DSCAM: variants seen among roughly 807,000 people sequenced by gnomAD.
DSCAM encodes DS cell adhesion molecule.
In DSCAM, 47 loss-of-function variants were observed where a neutral mutation model predicts 217.7. The observed-to-expected ratio is 0.22, with a 90% confidence interval of 0.17 to 0.28. DSCAM has a LOEUF of 0.28. Among genes scored for constraint, DSCAM ranks in the 10% least tolerant of loss-of-function variants. The probability of loss-of-function intolerance (pLI) is 1.00; values close to 1 mark genes in which losing one functional copy is unlikely to be tolerated. For synonymous variants in DSCAM, 1,056 were observed against 1,015.3 expected (o/e 1.04, Z -0.76); for missense variants, 2,080 against 2,618.3 (o/e 0.79, Z 4.49).
rs917036340 is a variant in DSCAM at position 40,673,675 on chromosome 21, T to C, written c.508+19135A>G. ...GGGGGTGGATTTCCCATGAATAGTTTAGCACTATCCACAATATTTTTCAGA... is the reference window on the plus strand; with the variant it reads ...GGGGGTGGATTTCCCATGAATAGTTCAGCACTATCCACAATATTTTTCAGA... On this transcript the variant is annotated intron_variant, in intron 3 of 32. Coordinates refer to ENST00000400454, the MANE Select transcript of DSCAM (RefSeq NM_001389.5). Among the ~76,000 whole-genome samples, 8 of 152,278 alleles carry C rather than the reference T, an allele frequency of 5.3e-5. No homozygotes were observed. The East Asian group carries it at 1.4e-3, about 26-fold the overall frequency.
At chr21:40,502,399 T>G (rs2146038330) in intron 3 of DSCAM, among the ~76,000 whole-genome samples, 1 of 152,234 alleles carries the variant, frequency 6.6e-6, no homozygotes, top group South Asian at 2.1e-4. Context: ...CGCCACAAAC[T>G]TGATGACATA....
intron 3 of DSCAM, among the ~76,000 whole-genome samples, chr21:40,410,871 T>A (rs2075316704): frequency 6.6e-6 from 1 of 151,738 alleles, no homozygotes; most frequent in African/African-American, 2.4e-5. Context: ...GGAGCCTTTC[T>A]GGCAGAAAGA....
chr21:40,605,791 CTTT>C (rs755767800), intron 3 of DSCAM, among the ~76,000 whole-genome samples: 108 of 61,986 alleles, frequency 1.7e-3, no homozygotes, highest in South Asian at 5.3e-3. Flanking sequence ...AATGCACATT[CTTT>C]TTTTTTTTTT....
chr21:40,297,956 G>A (rs936216888), intron 9 of DSCAM, among the ~76,000 whole-genome samples: 1 of 152,086 alleles, frequency 6.6e-6, no homozygotes, highest in African/African-American at 2.4e-5. Flanking sequence ...GATGATTATG[G>A]AACTCATTTT....
rs562430348 is a variant in DSCAM, at chr21:40,261,804, A to G, written c.2356+14293T>C. On this transcript the variant is annotated intron_variant, in intron 11 of 32. Coordinates refer to ENST00000400454, the MANE Select transcript of DSCAM (RefSeq NM_001389.5). The stretch of plus-strand genomic sequence containing the variant: ...CTTTGTTACTCTGGAGAACCCTGAC[A>G]AATAGAAATTTAATGTTATGGATTT... Among the ~76,000 whole-genome samples the G allele has an allele frequency of 7.2e-5, 11 of 152,264 alleles. No individual in the cohort carries two copies. The East Asian group carries it at 1.7e-3, about 24-fold the overall frequency.
intron 16 of DSCAM, among the ~76,000 whole-genome samples, chr21:40,159,140 TAAC>T (rs1176559627): frequency 3.9e-5 from 6 of 152,188 alleles, no homozygotes; most frequent in Admixed American, 3.9e-4. Context: ...GCCATAATAA[TAAC>T]AATAAAACTA....
At chr21:40,841,576 G>A (rs1000236789) in intron 1 of DSCAM, among the ~76,000 whole-genome samples, 1 of 152,174 alleles carries the variant, frequency 6.6e-6, no homozygotes, top group Non-Finnish European at 1.5e-5. Flanking sequence ...GGAGAGGGAA[G>A]GGGGCTCCCG....
chr21:40,080,301 C>A lies in DSCAM; in HGVS notation c.4271G>T (p.Trp1424Leu). 1 of 1,613,202 alleles carries A rather than the reference C, an allele frequency of 6.2e-7. No individual in the cohort carries two copies. The highest frequency in any genetic ancestry group is 8.5e-7 in the Non-Finnish European group (1 of 1,179,778). The change falls in exon 25 of 33, where the codon TGG becomes TTG. Residue 1424 changes from tryptophan to leucine, a missense_variant. Around this residue, in one of 5 missense-constraint regions of DSCAM, gnomAD observed 1,144 missense variants for 1,421.1 expected, o/e 0.81. Coordinates refer to ENST00000400454, the MANE Select transcript of DSCAM (RefSeq NM_001389.5). ...LQYSEDNSEQ[W>L]GSFPISPSER... is the part of the protein sequence containing the mutation. ...GCTGGGGCTGATTGGAAAACTCCCCCACTGCTCACTATTGTCCTCGGAGTA... is the reference window on the plus strand; with the variant it reads ...GCTGGGGCTGATTGGAAAACTCCCCAACTGCTCACTATTGTCCTCGGAGTA...
intron 3 of DSCAM, among the ~76,000 whole-genome samples, chr21:40,385,575 T>C (rs904457293): frequency 2.0e-5 from 3 of 152,180 alleles, no homozygotes; most frequent in Non-Finnish European, 2.9e-5. Context: ...ATGTATTGCA[T>C]TGACAGAATT....
intron 6 of DSCAM, among the ~76,000 whole-genome samples, chr21:40,342,882 T>C (rs527610687): frequency 2.1e-4 from 31 of 150,748 alleles, no homozygotes; most frequent in South Asian, 8.4e-4. Context: ...TCAGTTTTGC[T>C]TGAAATCACA....
chr21:40,014,293 G>A (rs2088117133), intron 32 of DSCAM, among the ~76,000 whole-genome samples: 1 of 152,240 alleles, frequency 6.6e-6, no homozygotes, highest in South Asian at 2.1e-4. Flanking sequence ...GGGACACTGA[G>A]GCAGGAGAAT....
At chr21:40,714,825 G>T (rs193013569) in intron 1 of DSCAM, among the ~76,000 whole-genome samples, 1 of 152,282 alleles carries the variant, frequency 6.6e-6, no homozygotes, top group Non-Finnish European at 1.5e-5. Context: ...AGAATACCAC[G>T]ATTTGAATGT....
Position 40,144,323 on chromosome 21 carries a change from C to T in DSCAM, c.3259+168G>A, listed in dbSNP as rs904617560. 3.3e-5 allele frequency among the ~76,000 whole-genome samples: 5 copies of T among 152,058 alleles called. No homozygotes were observed. Among genetic ancestry groups the T allele is most frequent in the African/African-American group, 4.8e-5 (2 of 41,418 alleles). ...CCCTGCCCCAGGGCGGGCAGATCAG[C>T]GGGGTGGGCGAGGTCACGAGGGAAG... On this transcript the variant is annotated intron_variant, in intron 17 of 32. Coordinates refer to ENST00000400454, the MANE Select transcript of DSCAM (RefSeq NM_001389.5). This position sits in a 1 kb window ranked among gnomAD's most constrained non-coding sequence, Gnocchi z 4.8.
chr21:40,238,560 A>G (rs1316730940), intron 11 of DSCAM, among the ~76,000 whole-genome samples: 3 of 152,198 alleles, frequency 2.0e-5, no homozygotes, highest in African/African-American at 7.2e-5. Flanking sequence ...AGGAAGACAG[A>G]GACAACCAAG....
intron 3 of DSCAM, among the ~76,000 whole-genome samples, chr21:40,467,930 CAA>C (rs56379350): frequency 3.3e-3 from 275 of 84,380 alleles, no homozygotes; most frequent in African/African-American, 7.2e-3. Flanking sequence ...AAAGATTAAC[CAA>C]AAAAAAAAAA....
At chr21:40,240,349 G>GTTTTTTTTTTTTTTT (rs749073872) in intron 11 of DSCAM, among the ~76,000 whole-genome samples, 2 of 57,720 alleles carry the variant, frequency 3.5e-5, no homozygotes, top group Non-Finnish European at 6.1e-5. Flanking sequence ...TTCCTCACTG[G>GTTTTTTTTTTTTTTT]TTTTTTTTTT....
chr21:40,417,711 T>C (rs995458413), intron 3 of DSCAM, among the ~76,000 whole-genome samples: 2 of 152,180 alleles, frequency 1.3e-5, no homozygotes, highest in African/African-American at 4.8e-5. Flanking sequence ...CAGTTTAACT[T>C]AGCAAATTAT....
At chr21:40,242,812 A>C (rs1181388829) in intron 11 of DSCAM, among the ~76,000 whole-genome samples, 1 of 152,250 alleles carries the variant, frequency 6.6e-6, no homozygotes, top group Admixed American at 6.5e-5. Flanking sequence ...TCTTTGTTTA[A>C]GCAGCTAAGA....
At chr21:40,536,400 C>CTTT (rs35476225) in intron 3 of DSCAM, among the ~76,000 whole-genome samples, 25 of 127,728 alleles carry the variant, frequency 2.0e-4, no homozygotes, top group African/African-American at 7.0e-4. Context: ...CCGGTAGAGT[C>CTTT]TTTTTTTTTT....
Sources: allele counts gnomAD v4.1 joint callset (sites outside exome capture counted in the v4.1 genomes callset), GRCh38; gene constraint gnomAD v4.1.1; regional missense constraint gnomAD v4.1.1; non-coding constraint Gnocchi (gnomAD v3.1); transcripts MANE v1.5; gene names NCBI Gene and HGNC (gene_info 2026-07-23, HGNC 2026-07-21).